The following KCND2 variants were observed in gnomAD, a reference collection of about 807,000 sequenced individuals.
The protein encoded by KCND2 is potassium voltage-gated channel subfamily D member 2.
In KCND2, 16 loss-of-function variants were observed where a neutral mutation model predicts 54.4. The observed-to-expected ratio is 0.29, with a 90% CI of 0.20 to 0.45. The LOEUF is 0.45. Ranked by LOEUF, KCND2 falls within the 20% of genes least tolerant of loss-of-function variation. KCND2 has a pLI of 1.00. For synonymous variants in KCND2, 317 were observed against 310.7 expected (o/e 1.02, Z -0.21); for missense variants, 486 against 824.2 (o/e 0.59, Z 5.02).
At chr7:120,300,680 T>C (rs1450975971) in intron 1 of KCND2, among the ~76,000 whole-genome samples, 3 of 152,092 alleles carry the variant, frequency 2.0e-5, no homozygotes, top group Non-Finnish European at 2.9e-5. Context: ...GTAACTGTAA[T>C]TAGAGTGAAA....
At chr7:120,640,108 G>A (rs1216452859) in intron 1 of KCND2, among the ~76,000 whole-genome samples, 3 of 152,008 alleles carry the variant, frequency 2.0e-5, no homozygotes, top group Admixed American at 6.6e-5. Flanking sequence ...TTCCCTCTGT[G>A]GTTTTAGCCT....
At chr7:120,617,011 A>C (rs573148272) in intron 1 of KCND2, among the ~76,000 whole-genome samples, 101 of 152,314 alleles carry the variant, frequency 6.6e-4, no homozygotes, top group Non-Finnish European at 1.2e-3. Context: ...TAACTAACCC[A>C]AGTGGCCACA....
At chr7:120,636,101 G>A (rs1409904337) in intron 1 of KCND2, among the ~76,000 whole-genome samples, 1 of 152,066 alleles carries the variant, frequency 6.6e-6, no homozygotes, top group East Asian at 1.9e-4. Context: ...CAGCTATTCT[G>A]TAGATTGATG....
At chr7:120,403,665 C>T (rs1209588826) in intron 1 of KCND2, among the ~76,000 whole-genome samples, 1 of 151,422 alleles carries the variant, frequency 6.6e-6, no homozygotes, top group Non-Finnish European at 1.5e-5. Flanking sequence ...TAATTGAAAA[C>T]AATTTCACAT....
chr7:120,496,597 C>T (rs1208455165), intron 1 of KCND2, among the ~76,000 whole-genome samples: 2 of 145,738 alleles, frequency 1.4e-5, no homozygotes, highest in African/African-American at 5.3e-5. Flanking sequence ...GCTGCTTTTT[C>T]GTATTTTTAG....
chr7:120,687,638 G>T (rs1792220600), intron 1 of KCND2, among the ~76,000 whole-genome samples: 1 of 151,454 alleles, frequency 6.6e-6, no homozygotes, highest in Non-Finnish European at 1.5e-5. Context: ...GAACATAGTG[G>T]GACCCCATAT....
intron 1 of KCND2, among the ~76,000 whole-genome samples, chr7:120,632,243 G>A (rs1584862070): frequency 6.6e-6 from 1 of 152,286 alleles, no homozygotes; most frequent in East Asian, 1.9e-4. Flanking sequence ...GCTGTCATTA[G>A]TATGTAATTT....
chr7:120,432,197 T>C (rs1451211510), intron 1 of KCND2, among the ~76,000 whole-genome samples: 2 of 152,192 alleles, frequency 1.3e-5, no homozygotes, highest in Non-Finnish European at 2.9e-5. Flanking sequence ...TGACAAGATT[T>C]TCATTACTAT....
chr7:120,376,536 G>A (rs560977290), intron 1 of KCND2, among the ~76,000 whole-genome samples: 18 of 150,292 alleles, frequency 1.2e-4, no homozygotes, highest in Non-Finnish European at 2.4e-4. Flanking sequence ...TCTATAAAGT[G>A]AAAATAAATA....
At chr7:120,439,184 C>T (rs189294397) in intron 1 of KCND2, among the ~76,000 whole-genome samples, 2,467 of 151,982 alleles carry the variant, frequency 0.016, 40 homozygotes, top group Middle Eastern at 0.048. Context: ...ATTATATGTT[C>T]CCTGTAAGAA....
At chr7:120,352,755 A>G (rs992050791) in intron 1 of KCND2, among the ~76,000 whole-genome samples, 10 of 152,198 alleles carry the variant, frequency 6.6e-5, no homozygotes, top group African/African-American at 2.4e-4. Flanking sequence ...ATTTTTAAAA[A>G]TTGAGAAATA....
chr7:120,493,706 T>C (rs1230066216), intron 1 of KCND2, among the ~76,000 whole-genome samples: 1 of 152,086 alleles, frequency 6.6e-6, no homozygotes, highest in East Asian at 1.9e-4. Context: ...AAATTCAGAA[T>C]TTTAACAAGG....
intron 1 of KCND2, among the ~76,000 whole-genome samples, chr7:120,360,601 T>C (rs1404475839): frequency 1.3e-5 from 2 of 152,114 alleles, no homozygotes; most frequent in Non-Finnish European, 2.9e-5. Flanking sequence ...CTGAGTAGTC[T>C]AAATAAATTT....
At chr7:120,660,132 T>A (rs1474973144) in intron 1 of KCND2, among the ~76,000 whole-genome samples, 1 of 152,190 alleles carries the variant, frequency 6.6e-6, no homozygotes, top group Non-Finnish European at 1.5e-5. Context: ...TGGGCATGAC[T>A]TACTGCTACT....
At position 120,274,256 on chromosome 7, in the gene KCND2, TGACCCTATATTATCCA is replaced by T; in HGVS notation, c.-373_-358del. The T allele has an allele frequency of 2.8e-6, 1 of 352,426 alleles. No individual in the cohort carries two copies. Among genetic ancestry groups the T allele is most frequent in the Non-Finnish European group, 5.3e-6 (1 of 189,120 alleles). The allele number at this position is 352,426 out of a possible 1,614,324, so 21.8% of individuals were successfully genotyped here. On this transcript the variant is annotated 5_prime_UTR_variant, in exon 1 of 6. Coordinates refer to ENST00000331113, the MANE Select transcript of KCND2 (RefSeq NM_012281.3). ...CTTCTCTATCCTACACTCCACATAC[TGACCCTATATTATCCA>T]GACTGTGCCGGGGAGAAATCAAAAA... is the stretch of plus-strand genomic sequence containing the variant.
intron 1 of KCND2, among the ~76,000 whole-genome samples, chr7:120,453,710 G>A (rs565114657): frequency 5.9e-5 from 9 of 152,034 alleles, no homozygotes; most frequent in Non-Finnish European, 1.0e-4. Flanking sequence ...TAATGAAAAC[G>A]AATATATTAA....
At chr7:120,534,016 A>G (rs765931234) in intron 1 of KCND2, among the ~76,000 whole-genome samples, 1 of 152,174 alleles carries the variant, frequency 6.6e-6, no homozygotes, top group Non-Finnish European at 1.5e-5. Context: ...TTATTTAACA[A>G]CATTCATGAA....
chr7:120,647,975 A>C (rs997404349), intron 1 of KCND2, among the ~76,000 whole-genome samples: 2 of 152,190 alleles, frequency 1.3e-5, no homozygotes, highest in Admixed American at 1.3e-4. Flanking sequence ...CTTTGTCGGC[A>C]TGTCTAAGTA....
intron 1 of KCND2, among the ~76,000 whole-genome samples, chr7:120,507,603 C>T (rs1016622554): frequency 2.6e-5 from 4 of 151,904 alleles, no homozygotes; most frequent in East Asian, 1.9e-4. Flanking sequence ...TGACTACTGC[C>T]GCAACAACTA....
Sources: gnomAD v4.1 joint callset for allele counts (sites outside exome capture counted in the v4.1 genomes callset) on GRCh38, gnomAD v4.1.1 for gene constraint, MANE v1.5 for transcripts, NCBI Gene and HGNC (gene_info 2026-07-23, HGNC 2026-07-21) for gene names.